PRMT9: variants seen among roughly 807,000 people sequenced by gnomAD.
PRMT9 encodes protein arginine N-methyltransferase 9.
A neutral mutation model predicts 83.2 loss-of-function variants in PRMT9; 59 were observed. That is an observed-to-expected ratio of 0.71 (90% CI 0.57 to 0.88). The LOEUF (loss-of-function observed/expected upper bound fraction) is 0.88, where lower values mean the gene tolerates loss of function less well. PRMT9 is among the 40% of genes least tolerant of loss of function. The probability of loss-of-function intolerance (pLI) is 0.00; values close to 1 mark genes in which losing one functional copy is unlikely to be tolerated. For synonymous variants in PRMT9, 333 were observed against 353.2 expected (o/e 0.94, Z 0.64); for missense variants, 947 against 1,021.9 (o/e 0.93, Z 1.00).
At chr4:147,671,841 T>A (rs1271074173) in intron 4 of PRMT9, 1 of 456,124 alleles carries the variant, frequency 2.2e-6, no homozygotes. Context: ...TGCTGACTCA[T>A]GTCCCTCTCA....
intron 1 of PRMT9, 48 bp downstream of exon 1, chr4:147,683,751 T>TACGAGGACGTTGGA: frequency 2.0e-6 from 3 of 1,466,216 alleles, no homozygotes; most frequent in Admixed American, 3.8e-5. Flanking sequence ...TTTTTTTTTT[T>TACGAGGACGTTGGA]TACGAGGACG....
chr4:147,648,860 G>C (rs1018759151), intron 9 of PRMT9, among the ~76,000 whole-genome samples: 1 of 152,132 alleles, frequency 6.6e-6, no homozygotes, highest in African/African-American at 2.4e-5. Flanking sequence ...CCTACCCTTA[G>C]GTTGGGGGCT....
chr4:147,661,427 T>C (rs1480660213), intron 6 of PRMT9: 1 of 169,144 alleles, frequency 5.9e-6, no homozygotes, highest in African/African-American at 2.4e-5. Flanking sequence ...CCAAAGAACA[T>C]ATCCAAATGG....
intron 10 of PRMT9, among the ~76,000 whole-genome samples, chr4:147,640,085 TTTTTTAA>T (rs1206906511): frequency 1.1e-5 from 1 of 90,256 alleles, no homozygotes; most frequent in African/African-American, 3.6e-5. Flanking sequence ...TTTTTTTTTT[TTTTTTAA>T]TATAGGGTCT....
intron 9 of PRMT9, among the ~76,000 whole-genome samples, chr4:147,645,332 AAATT>A (rs1371496292): frequency 6.6e-6 from 1 of 152,210 alleles, no homozygotes; most frequent in Admixed American, 6.5e-5. Context: ...AAGGACAATT[AAATT>A]ATAATGACAA....
intron 5 of PRMT9, among the ~76,000 whole-genome samples, chr4:147,669,502 T>C (rs985801069): frequency 4.6e-5 from 7 of 152,048 alleles, no homozygotes; most frequent in Non-Finnish European, 7.4e-5. Flanking sequence ...TAAGTCTGCA[T>C]AGAAAAAAAG....
At chr4:147,662,348 G>C (rs1735022272) in intron 6 of PRMT9, among the ~76,000 whole-genome samples, 1 of 152,212 alleles carries the variant, frequency 6.6e-6, no homozygotes, top group South Asian at 2.1e-4. Flanking sequence ...CACTGGTAAA[G>C]AGATGGGGTT....
intron 4 of PRMT9, chr4:147,672,029 C>T (rs1735768981): frequency 5.3e-6 from 2 of 377,726 alleles, no homozygotes; most frequent in Non-Finnish European, 5.2e-6. Context: ...AAAATAAATG[C>T]CTATTGTTAA....
intron 9 of PRMT9, among the ~76,000 whole-genome samples, chr4:147,643,659 G>A (rs1309655924): frequency 6.6e-6 from 1 of 152,216 alleles, no homozygotes; most frequent in Non-Finnish European, 1.5e-5. Flanking sequence ...ATGGAGAAAT[G>A]TGTAGATACA....
chr4:147,675,917 G>A (rs1197720710), intron 2 of PRMT9, among the ~76,000 whole-genome samples: 3 of 152,188 alleles, frequency 2.0e-5, no homozygotes, highest in Non-Finnish European at 4.4e-5. Context: ...AGGAGAAGCA[G>A]CTATCATTTA....
chr4:147,648,211 G>A (rs987347353), intron 9 of PRMT9, among the ~76,000 whole-genome samples: 2 of 152,052 alleles, frequency 1.3e-5, no homozygotes, highest in African/African-American at 4.8e-5. Context: ...CCTAGGTTGG[G>A]GGCTAAAAGA....
intron 1 of PRMT9, among the ~76,000 whole-genome samples, chr4:147,681,389 C>T (rs1736458476): frequency 6.6e-6 from 1 of 152,210 alleles, no homozygotes; most frequent in Non-Finnish European, 1.5e-5. Context: ...AGAGGGAAAG[C>T]TTTAGTCATT....
intron 6 of PRMT9, among the ~76,000 whole-genome samples, chr4:147,662,993 A>G (rs1485341918): frequency 2.0e-5 from 3 of 151,956 alleles, no homozygotes; most frequent in African/African-American, 7.3e-5. Flanking sequence ...TGAATCAGCA[A>G]ATGGAACTAC....
In PRMT9 at chr4:147,654,111, C is replaced by T. The variant is rs751553388; in HGVS notation, c.1786G>A (p.Val596Ile). 3.7e-6 allele frequency: 6 copies of T among 1,614,120 alleles called. 1 individual carries two copies. The Middle Eastern group carries it at 8.2e-4, about 221-fold the overall frequency. The change falls in exon 9 of 12, where the codon GTT becomes ATT. Residue 596 changes from valine to isoleucine, a missense_variant. By Grantham distance (29) the Val-to-Ile change is conservative. Coordinates refer to ENST00000322396, the MANE Select transcript of PRMT9 (RefSeq NM_138364.4). The stretch of plus-strand genomic sequence containing the variant: ...ACCTGCCCAAGTGTGCCAGCAATAA[C>T]AGGCAGAACAGAGAAGCCTTCGGAC... ...DVSEGFSVLP[V>I]IAGTLGQVKP...
At position 147,679,170 on chromosome 4, in the gene PRMT9, G is replaced by A. The variant is rs76786549; in HGVS notation, c.338+1153C>T. 8.5e-5 allele frequency among the ~76,000 whole-genome samples: 13 copies of A among 152,314 alleles called. No individual in the cohort carries two copies. The East Asian group carries it at 1.9e-3, about 23-fold the overall frequency. On this transcript the variant is annotated intron_variant, in intron 2 of 11. Transcript: ENST00000322396. ...GGAGAGGCCGCGTGCAGTGGCTCAAGTCTGTAATCCCAGTGCTTTGGGAGG... is the reference window on the plus strand; with the variant it reads ...GGAGAGGCCGCGTGCAGTGGCTCAAATCTGTAATCCCAGTGCTTTGGGAGG...
chr4:147,668,902 C>T (rs1402733762), intron 5 of PRMT9, among the ~76,000 whole-genome samples: 2 of 151,910 alleles, frequency 1.3e-5, no homozygotes, highest in South Asian at 4.2e-4. Flanking sequence ...CTGGCTAACA[C>T]GGTGAAACCC....
At position 147,659,585 on chromosome 4, in the gene PRMT9, T is replaced by TTTC. The variant is rs1463034865; in HGVS notation, c.1146+1260_1146+1261insGAA. On this transcript the variant is annotated intron_variant, in intron 7 of 11. Transcript: ENST00000322396. Reference sequence around the variant, plus strand: ...TCTTTGGGCACTTTCTTTTCTTTTTTTTTTTTTTCTGAGACGGAGTTTCGC... The same window carrying TTTC: ...TCTTTGGGCACTTTCTTTTCTTTTTTTTCTTTTTTTTCTGAGACGGAGTTTCGC... Among the ~76,000 whole-genome samples the TTTC allele has an allele frequency of 9.8e-5, 14 of 142,472 alleles. 1 individual carries two copies. The highest frequency in any genetic ancestry group is 1.9e-4 in the Non-Finnish European group (12 of 64,626). 93.5% of individuals were successfully genotyped at this position (142,472 alleles called of 152,430 possible). A position where few individuals can be genotyped will look rare whatever the true frequency, so the allele number is the denominator to read the frequency against.
chr4:147,673,053 AGGCAAGTTCATACATG>A lies in PRMT9; in HGVS notation c.633_648del (p.Met212ValfsTer23). The A allele has an allele frequency of 6.2e-7, 1 of 1,614,014 alleles. No individual in the cohort carries two copies. Among genetic ancestry groups the A allele is most frequent in the Non-Finnish European group, 8.5e-7 (1 of 1,179,894 alleles). ...ATCTTGTTTGCTGCCACGACATCAC[AGGCAAGTTCATACATG>A]GTCTTGGATAACTCACAGGCATACA... On this transcript the variant is annotated frameshift_variant, in exon 4 of 12. Coordinates refer to ENST00000322396, the MANE Select transcript of PRMT9 (RefSeq NM_138364.4). LOFTEE classifies it high-confidence loss of function.
At chr4:147,670,849 A>G (rs1735681271) in intron 4 of PRMT9, 106 bp from the exon 5 acceptor site, 1 of 735,132 alleles carries the variant, frequency 1.4e-6, no homozygotes, top group Non-Finnish European at 2.4e-6. Context: ...GAAACAGTCC[A>G]TATGTAATAT....
Sources: allele counts gnomAD v4.1 joint callset (sites outside exome capture counted in the v4.1 genomes callset), GRCh38; gene constraint gnomAD v4.1.1; transcripts MANE v1.5; gene names NCBI Gene and HGNC (gene_info 2026-07-23, HGNC 2026-07-21).